KHDRBS2: variants seen among roughly 807,000 people sequenced by gnomAD.
KHDRBS2 encodes the protein KH RNA binding domain containing, signal transduction associated 2, also known as KH domain-containing, RNA-binding, signal transduction-associated protein 2.
A neutral mutation model predicts 44.3 loss-of-function variants in KHDRBS2; 26 were observed. The ratio of observed to expected loss-of-function variants is 0.59; its 90% confidence interval spans 0.43 to 0.81. The LOEUF is 0.81. Among genes scored for constraint, KHDRBS2 ranks in the 40% least tolerant of loss-of-function variants. KHDRBS2 has a pLI of 0.00. For missense variants in KHDRBS2, 476 were observed against 433.1 expected (o/e 1.10, Z -0.88); for synonymous variants, 194 against 151.1 (o/e 1.28, Z -2.08).
chr6:62,084,983 A>C (rs946521837), intron 2 of KHDRBS2, among the ~76,000 whole-genome samples: 4 of 152,302 alleles, frequency 2.6e-5, no homozygotes, highest in Non-Finnish European at 1.5e-5. Context: ...AAAACACTTA[A>C]ATGTGTGCAG....
intron 7 of KHDRBS2, among the ~76,000 whole-genome samples, chr6:61,710,112 A>C (rs1355924598): frequency 6.6e-6 from 1 of 151,684 alleles, no homozygotes; most frequent in Non-Finnish European, 1.5e-5. Context: ...AGACTTTAGA[A>C]ATTTAAATGA....
the KHDRBS2 span, among the ~76,000 whole-genome samples, chr6:61,554,757 T>C: frequency 6.6e-6 from 1 of 152,188 alleles, no homozygotes; most frequent in Non-Finnish European, 1.5e-5. Flanking sequence ...TATTTCTTCT[T>C]CACTTATGAA....
chr6:61,963,642 T>A (rs1769255629), intron 4 of KHDRBS2, among the ~76,000 whole-genome samples: 1 of 152,000 alleles, frequency 6.6e-6, no homozygotes, highest in East Asian at 1.9e-4. Context: ...AAATAAGTGT[T>A]CCAAATAATA....
At chr6:62,055,236 G>T (rs1325764755) in intron 2 of KHDRBS2, among the ~76,000 whole-genome samples, 3 of 151,556 alleles carry the variant, frequency 2.0e-5, no homozygotes, top group Non-Finnish European at 4.4e-5. Flanking sequence ...AACAAATATA[G>T]AACTAAGGAA....
intron 7 of KHDRBS2, among the ~76,000 whole-genome samples, chr6:61,718,268 C>T (rs1333958887): frequency 6.6e-6 from 1 of 151,980 alleles, no homozygotes; most frequent in Admixed American, 6.6e-5. Flanking sequence ...GGTTTGAGAA[C>T]CTATTTTTCC....
intron 2 of KHDRBS2, among the ~76,000 whole-genome samples, chr6:62,094,257 T>C (rs1268868162): frequency 6.6e-6 from 1 of 151,874 alleles, no homozygotes; most frequent in African/African-American, 2.4e-5. Context: ...GTATCTCATT[T>C]TAATTTTGAT....
chr6:62,248,381 C>CA (rs1563133124), intron 1 of KHDRBS2, among the ~76,000 whole-genome samples: 1 of 151,126 alleles, frequency 6.6e-6, no homozygotes, highest in Non-Finnish European at 1.5e-5. Context: ...TTTTTTTTAA[C>CA]AGAGTCTTGC....
At chr6:62,130,257 A>T (rs779587333) in intron 2 of KHDRBS2, among the ~76,000 whole-genome samples, 1 of 152,158 alleles carries the variant, frequency 6.6e-6, no homozygotes, top group Non-Finnish European at 1.5e-5. Flanking sequence ...AAGGTGAGAA[A>T]ATTGAGGCAG....
At chr6:61,737,302 T>C (rs1464231404) in intron 6 of KHDRBS2, among the ~76,000 whole-genome samples, 1 of 152,106 alleles carries the variant, frequency 6.6e-6, no homozygotes, top group Non-Finnish European at 1.5e-5. Flanking sequence ...TATAGTGCAA[T>C]GTTCCCCACA....
At chr6:62,091,921 A>C (rs917837778) in intron 2 of KHDRBS2, among the ~76,000 whole-genome samples, 10 of 152,182 alleles carry the variant, frequency 6.6e-5, no homozygotes, top group African/African-American at 1.9e-4. Flanking sequence ...ATTAACTACA[A>C]TTATTATCCA....
At chr6:61,922,408 G>T (rs572310726) in intron 4 of KHDRBS2, among the ~76,000 whole-genome samples, 107 of 152,142 alleles carry the variant, frequency 7.0e-4, no homozygotes, top group Middle Eastern at 3.4e-3. Context: ...GACCGTCAAG[G>T]GAGACCAGGG....
intron 2 of KHDRBS2, among the ~76,000 whole-genome samples, chr6:62,093,669 G>A (rs1020276806): frequency 3.3e-5 from 5 of 151,720 alleles, no homozygotes; most frequent in Admixed American, 6.6e-5. Flanking sequence ...AAATCCTAAT[G>A]ATAACCACTA....
At chr6:62,220,164 T>A (rs1388793422) in intron 1 of KHDRBS2, among the ~76,000 whole-genome samples, 1 of 151,528 alleles carries the variant, frequency 6.6e-6, no homozygotes, top group African/African-American at 2.4e-5. Context: ...AAAAGTACAA[T>A]CTAGAATTCT....
In KHDRBS2 at chr6:62,119,723, C is replaced by T. The variant is rs143303868; in HGVS notation, c.219+57462G>A. Among the ~76,000 whole-genome samples, 26 of 152,326 alleles carry T rather than the reference C, an allele frequency of 1.7e-4. 1 individual carries two copies. The highest frequency in any genetic ancestry group is 6.0e-4 in the African/African-American group (25 of 41,590). ...CCCTGCCCCCAGTGGTGGCAACATTCCCTCCTCCACTCACACTGCCATCAG... is the reference window on the plus strand; with the variant it reads ...CCCTGCCCCCAGTGGTGGCAACATTTCCTCCTCCACTCACACTGCCATCAG... On this transcript the variant is annotated intron_variant, in intron 2 of 8. Coordinates refer to ENST00000281156, the MANE Select transcript of KHDRBS2 (RefSeq NM_152688.4).
At chr6:62,157,812 G>A (rs1457268323) in intron 2 of KHDRBS2, among the ~76,000 whole-genome samples, 2 of 152,112 alleles carry the variant, frequency 1.3e-5, no homozygotes, top group Non-Finnish European at 2.9e-5. Flanking sequence ...AGATGAATAT[G>A]GCTAAAAATT....
At position 61,680,660 on chromosome 6, in the gene KHDRBS2, G is replaced by GA. The variant is rs1276732393; in HGVS notation, c.*302dup. 706 of 165,442 alleles carry GA rather than the reference G, an allele frequency of 4.3e-3. 3 individuals are homozygous for GA. The highest frequency in any genetic ancestry group is 0.01 in the Middle Eastern group (4 of 396). 10.2% of individuals were successfully genotyped at this position (165,442 alleles called of 1,614,324 possible). On this transcript the variant is annotated 3_prime_UTR_variant, in exon 9 of 9. Transcript: ENST00000281156. ...TCCTCAAAAAAAAAAAAAAGAAAAA[G>GA]AAAAAAAAAAGATTACACACAACAA...
chr6:62,162,935 T>C (rs1383400088), intron 2 of KHDRBS2, among the ~76,000 whole-genome samples: 2 of 151,970 alleles, frequency 1.3e-5, no homozygotes, highest in Non-Finnish European at 2.9e-5. Flanking sequence ...GTAAGAAGAA[T>C]ACTGGTTGAA....
chr6:62,058,906 G>A (rs1384523000), intron 2 of KHDRBS2, among the ~76,000 whole-genome samples: 3 of 151,496 alleles, frequency 2.0e-5, no homozygotes, highest in Non-Finnish European at 4.4e-5. Flanking sequence ...TTTATTCAAT[G>A]GACATATTTG....
At chr6:61,545,385 C>T in the KHDRBS2 span, among the ~76,000 whole-genome samples, 1 of 152,062 alleles carries the variant, frequency 6.6e-6, no homozygotes, top group South Asian at 2.1e-4. Flanking sequence ...AAGCCTTGTT[C>T]TTATTATGTG....
Sources: gnomAD v4.1 joint callset for allele counts (sites outside exome capture counted in the v4.1 genomes callset) on GRCh38, gnomAD v4.1.1 for gene constraint, MANE v1.5 for transcripts, NCBI Gene and HGNC (gene_info 2026-07-23, HGNC 2026-07-21) for gene names.